FAM81A: variants seen among roughly 807,000 people sequenced by gnomAD.
FAM81A encodes protein FAM81A.
Under a neutral mutation model 46.7 loss-of-function variants are expected in FAM81A, and 19 were observed. That is an observed-to-expected ratio of 0.41 (90% CI 0.28 to 0.60). The LOEUF (loss-of-function observed/expected upper bound fraction) is 0.60. Ranked by LOEUF, FAM81A falls within the 20% of genes least tolerant of loss-of-function variation. The pLI is 0.34. For synonymous variants in FAM81A, 183 were observed against 152.9 expected (o/e 1.20, Z -1.45); for missense variants, 377 against 453.5 (o/e 0.83, Z 1.53).
chr15:59,519,654 G>A (rs1443051886), intron 8 of FAM81A, among the ~76,000 whole-genome samples: 31 of 132,272 alleles, frequency 2.3e-4, no homozygotes, highest in Admixed American at 1.3e-3. Flanking sequence ...ATATGAGATC[G>A]TGCAGTATTT....
At chr15:59,461,321 T>A (rs1182495389) in intron 3 of FAM81A, among the ~76,000 whole-genome samples, 2 of 152,164 alleles carry the variant, frequency 1.3e-5, no homozygotes, top group African/African-American at 4.8e-5. Context: ...TTTGTTTGTT[T>A]GTTTGTTTGT....
At chr15:59,414,759 G>A (rs1272611532) in intron 2 of FAM81A, among the ~76,000 whole-genome samples, 1 of 152,150 alleles carries the variant, frequency 6.6e-6, no homozygotes, top group African/African-American at 2.4e-5. Context: ...ATAGCAAACT[G>A]GTGTATTTAG....
chr15:59,495,154 A>G (rs139826702), intron 4 of FAM81A, among the ~76,000 whole-genome samples: 1 of 152,200 alleles, frequency 6.6e-6, no homozygotes, highest in African/African-American at 2.4e-5. Flanking sequence ...TTTATCATCC[A>G]AAAAGAAACC....
At chr15:59,412,009 G>A (rs77845139) in intron 2 of FAM81A, among the ~76,000 whole-genome samples, 27,459 of 149,772 alleles carry the variant, frequency 0.18, 3,191 homozygotes, top group Non-Finnish European at 0.26. Flanking sequence ...AAAAAAAAAC[G>A]GGGGATGAGA....
At chr15:59,456,221 G>A (rs1001956292) in intron 1 of FAM81A, among the ~76,000 whole-genome samples, 3 of 151,386 alleles carry the variant, frequency 2.0e-5, no homozygotes, top group East Asian at 3.9e-4. Context: ...CCCATAGAGC[G>A]CACGCACAGA....
Position 59,516,562 on chromosome 15 carries a change from G to T in FAM81A, c.787-83G>T, listed in dbSNP as rs550609390. 37 of 1,393,380 alleles carry T rather than the reference G, an allele frequency of 2.7e-5. No individual in the cohort carries two copies. The African/African-American group carries it at 4.8e-4, about 18-fold the overall frequency. 86.3% of individuals were successfully genotyped at this position (1,393,380 alleles called of 1,614,324 possible). The stretch of plus-strand genomic sequence containing the variant: ...GCAAATCTGTTTCTTGCAGATTGTT[G>T]TTAAACGATATTATGGCTGATGTGA... On this transcript the variant is annotated intron_variant, in intron 7 of 8. Transcript: ENST00000288228.
chr15:59,455,479 A>G (rs997503805), intron 1 of FAM81A, among the ~76,000 whole-genome samples: 4 of 152,168 alleles, frequency 2.6e-5, no homozygotes, highest in Non-Finnish European at 1.5e-5. Context: ...TCTGGAAACA[A>G]TGCTTGAGAT....
intron 8 of FAM81A, among the ~76,000 whole-genome samples, chr15:59,517,908 T>A (rs1354708008): frequency 6.6e-6 from 1 of 152,120 alleles, no homozygotes; most frequent in African/African-American, 2.4e-5. Context: ...ATGAAAAGCA[T>A]CTGAGCCTTT....
At chr15:59,441,290 G>A (rs2081294745) in intron 1 of FAM81A, among the ~76,000 whole-genome samples, 1 of 152,104 alleles carries the variant, frequency 6.6e-6, no homozygotes, top group African/African-American at 2.4e-5. Flanking sequence ...ACTCTGGTGG[G>A]GTCCTCGCTC....
At chr15:59,477,865 G>A (rs188158931) in intron 3 of FAM81A, among the ~76,000 whole-genome samples, 41 of 152,358 alleles carry the variant, frequency 2.7e-4, no homozygotes, top group Admixed American at 5.2e-4. Flanking sequence ...TCCATCCACA[G>A]TGTCTGTTAG....
intron 3 of FAM81A, among the ~76,000 whole-genome samples, chr15:59,469,628 C>G (rs185932408): frequency 2.6e-5 from 4 of 151,446 alleles, no homozygotes; most frequent in African/African-American, 9.7e-5. Flanking sequence ...TGAGATGGGT[C>G]TCCTGAATAC....
At chr15:59,466,530 T>C (rs1303736982) in intron 3 of FAM81A, among the ~76,000 whole-genome samples, 1 of 151,348 alleles carries the variant, frequency 6.6e-6, no homozygotes, top group Non-Finnish European at 1.5e-5. Context: ...GTTCATTTCC[T>C]TTGCCCACTT....
chr15:59,401,951 C>T (rs2081072877), intron 1 of FAM81A: 2 of 728,980 alleles, frequency 2.7e-6, no homozygotes, highest in African/African-American at 3.5e-5. Context: ...CATGGTAATC[C>T]AAACAGTATC....
chr15:59,483,864 T>C (rs1394695622), intron 3 of FAM81A, among the ~76,000 whole-genome samples: 16 of 152,198 alleles, frequency 1.1e-4, no homozygotes, highest in Admixed American at 1.0e-3. Flanking sequence ...CTTCGCACCC[T>C]ATAACTAAGC....
intron 2 of FAM81A, among the ~76,000 whole-genome samples, chr15:59,421,782 T>C (rs55709295): frequency 0.15 from 21,532 of 143,078 alleles, 2,099 homozygotes; most frequent in South Asian, 0.26. Flanking sequence ...TATCTATCTA[T>C]CTATCTATCT....
At chr15:59,399,205 A>C (rs2081060158) in intron 1 of FAM81A, among the ~76,000 whole-genome samples, 1 of 152,046 alleles carries the variant, frequency 6.6e-6, no homozygotes, top group Non-Finnish European at 1.5e-5. Flanking sequence ...GAACAAAAAG[A>C]ATCAGCCATC....
intron 1 of FAM81A, among the ~76,000 whole-genome samples, chr15:59,440,892 T>G (rs1350446307): frequency 2.0e-5 from 3 of 152,160 alleles, no homozygotes; most frequent in Non-Finnish European, 4.4e-5. Context: ...CACCCCCGCT[T>G]GCCTGCTTAT....
At chr15:59,429,136 T>C (rs181913821) in intron 2 of FAM81A, among the ~76,000 whole-genome samples, 9 of 152,364 alleles carry the variant, frequency 5.9e-5, no homozygotes, top group African/African-American at 1.7e-4. Flanking sequence ...GGTACTATTC[T>C]TTCTTCAACT....
Position 59,442,864 on chromosome 15 carries a change from T to G in FAM81A, c.-78+4582T>G, listed in dbSNP as rs1474339977. Among the ~76,000 whole-genome samples the G allele has an allele frequency of 3.3e-5, 5 of 152,184 alleles. No homozygotes were observed. In the East Asian group the frequency reaches 9.6e-4, roughly 29 times the overall value. Reference sequence around the variant, plus strand: ...ACACACAAGTGCATATGTTGTCATTTTCCCTGAACCATTTTAGAGTGAGTT... The same window carrying G: ...ACACACAAGTGCATATGTTGTCATTGTCCCTGAACCATTTTAGAGTGAGTT... On this transcript the variant is annotated intron_variant, in intron 1 of 8. Transcript: ENST00000288228.
Sources: gnomAD v4.1 joint callset for allele counts (sites outside exome capture counted in the v4.1 genomes callset) on GRCh38, gnomAD v4.1.1 for gene constraint, MANE v1.5 for transcripts, NCBI Gene and HGNC (gene_info 2026-07-23, HGNC 2026-07-21) for gene names.